The following PLCZ1 variants were observed in gnomAD, a reference collection of about 807,000 sequenced individuals.
PLCZ1 encodes phospholipase C zeta 1.
In PLCZ1, 64 loss-of-function variants were observed where a neutral mutation model predicts 76.8. That is an observed-to-expected ratio of 0.83 (90% CI 0.68 to 1.03). PLCZ1 has a LOEUF of 1.03. PLCZ1 is among the 50% of genes least tolerant of loss of function. The pLI, the probability that PLCZ1 is intolerant of heterozygous loss-of-function variation, is 0.00. For synonymous variants in PLCZ1, 248 were observed against 230.8 expected (o/e 1.07, Z -0.68); for missense variants, 751 against 713.7 (o/e 1.05, Z -0.60).
At chr12:18,731,840 T>C (rs1959065668) in intron 3 of PLCZ1, among the ~76,000 whole-genome samples, 1 of 152,172 alleles carries the variant, frequency 6.6e-6, no homozygotes, top group Non-Finnish European at 1.5e-5. Context: ...TTCCTAATTT[T>C]GTTAATGATC....
chr12:18,703,351 C>T, intron 7 of PLCZ1, among the ~76,000 whole-genome samples: 1 of 152,072 alleles, frequency 6.6e-6, no homozygotes, highest in Non-Finnish European at 1.5e-5. Context: ...AAATTTTTCA[C>T]TGATTTAAAT....
At chr12:18,662,557 A>T in the PLCZ1 span, among the ~76,000 whole-genome samples, 1 of 152,156 alleles carries the variant, frequency 6.6e-6, no homozygotes, top group Non-Finnish European at 1.5e-5. Context: ...ATACATGAAC[A>T]ATTATAAAAA....
intron 13 of PLCZ1, among the ~76,000 whole-genome samples, chr12:18,686,218 A>G (rs1953130246): frequency 6.6e-6 from 1 of 151,878 alleles, no homozygotes; most frequent in African/African-American, 2.4e-5. Context: ...TCTACTTTGT[A>G]TTTCTCATTT....
intron 9 of PLCZ1, among the ~76,000 whole-genome samples, chr12:18,700,390 CT>C (rs1955713214): frequency 1.3e-5 from 2 of 151,692 alleles, no homozygotes; most frequent in Non-Finnish European, 2.9e-5. Flanking sequence ...GAAAACATTT[CT>C]TGCTCATGCT....
chr12:18,719,825 T>G (rs1427691250), intron 4 of PLCZ1, among the ~76,000 whole-genome samples, 193 bp from the exon 5 acceptor site: 1 of 152,058 alleles, frequency 6.6e-6, no homozygotes, highest in African/African-American at 2.4e-5. Context: ...TCTTCCATAT[T>G]AACATTCAAG....
Position 18,683,216 on chromosome 12 carries a change from G to A in PLCZ1, c.*23C>T, listed in dbSNP as rs764927383. ...TGTTTTATTGCGATGCATAGCTAAT[G>A]ATATGTCATTTATCATTAGCTGTTA... On this transcript the variant is annotated 3_prime_UTR_variant, in exon 15 of 15. Transcript: ENST00000266505. The A allele has an allele frequency of 1.2e-5, 20 of 1,601,096 alleles. No homozygotes were observed. Among genetic ancestry groups the A allele is most frequent in the Non-Finnish European group, 1.6e-5 (19 of 1,168,988 alleles).
chr12:18,677,376 T>G, the PLCZ1 span, among the ~76,000 whole-genome samples: 1 of 152,086 alleles, frequency 6.6e-6, no homozygotes, highest in Non-Finnish European at 1.5e-5. Context: ...GCAAGGCTAG[T>G]TGTTTTCAGT....
the PLCZ1 span, among the ~76,000 whole-genome samples, chr12:18,664,096 A>G: frequency 6.6e-6 from 1 of 152,158 alleles, no homozygotes; most frequent in Non-Finnish European, 1.5e-5. Context: ...AAACCAGACA[A>G]ACAAACAAAG....
intron 4 of PLCZ1, among the ~76,000 whole-genome samples, chr12:18,722,682 A>G (rs899327175): frequency 6.6e-6 from 1 of 152,062 alleles, no homozygotes; most frequent in Admixed American, 6.6e-5. Context: ...GTTTTTACCC[A>G]TTGAAAGATG....
At chr12:18,650,301 C>CTA in the PLCZ1 span, among the ~76,000 whole-genome samples, 5 of 16,400 alleles carry the variant, frequency 3.0e-4, no homozygotes, top group Non-Finnish European at 5.3e-4. Flanking sequence ...ATTTCTCTCT[C>CTA]TCTCTCTCTC....
At chr12:18,723,637 T>C (rs2137548990) in intron 3 of PLCZ1, 95 bp from the exon 4 acceptor site, 2 of 970,022 alleles carry the variant, frequency 2.1e-6, no homozygotes. Flanking sequence ...TAATTTATAC[T>C]TGAAAGAAGA....
chr12:18,651,851 G>T, the PLCZ1 span, among the ~76,000 whole-genome samples: 3 of 152,204 alleles, frequency 2.0e-5, no homozygotes, highest in Non-Finnish European at 4.4e-5. Context: ...CACAGGGCAG[G>T]ATGGAGCCAG....
At chr12:18,724,031 A>C (rs887801504) in intron 3 of PLCZ1, among the ~76,000 whole-genome samples, 1 of 152,124 alleles carries the variant, frequency 6.6e-6, no homozygotes, top group Non-Finnish European at 1.5e-5. Context: ...TACAAACAAG[A>C]TGAGTTCCAA....
chr12:18,659,845 A>G, the PLCZ1 span, among the ~76,000 whole-genome samples: 1 of 152,140 alleles, frequency 6.6e-6, no homozygotes, highest in Non-Finnish European at 1.5e-5. Context: ...TCTCCCAGAT[A>G]AAAACTGAGA....
chr12:18,700,003 A>T, intron 9 of PLCZ1, 53 bp from the exon 10 acceptor site: 1 of 1,520,944 alleles, frequency 6.6e-7, no homozygotes, highest in Non-Finnish European at 9.0e-7. Context: ...TTGGGAAAAA[A>T]AATTTTTTCT....
intron 2 of PLCZ1, among the ~76,000 whole-genome samples, chr12:18,736,953 GA>G (rs771187814): frequency 6.6e-6 from 1 of 151,348 alleles, no homozygotes; most frequent in Non-Finnish European, 1.5e-5. Context: ...TATGAAAAAC[GA>G]AAAAAATTTT....
chr12:18,719,195 TA>T (rs1958286643), intron 5 of PLCZ1, among the ~76,000 whole-genome samples: 1 of 152,116 alleles, frequency 6.6e-6, no homozygotes, highest in South Asian at 2.1e-4. Context: ...GAGAGGAGGT[TA>T]ACAGGTGGGA....
Position 18,719,439 on chromosome 12 carries a change from T to C in PLCZ1, c.561A>G (p.Gly187=), listed in dbSNP as rs1415314877. The C allele has an allele frequency of 6.7e-7, 1 of 1,485,162 alleles. No individual in the cohort carries two copies. 92.0% of individuals were successfully genotyped at this position (1,485,162 alleles called of 1,614,324 possible). The change falls in exon 5 of 15, where the codon GGA becomes GGG. Residue 187 remains glycine (G), a synonymous_variant. Transcript: ENST00000266505. ...DQLLGPSDLW[G]YVSALVKGCR... ...AAAAATAAAATAAATACCTTACATATCCCCAAAGGTCACTTGGTCCCAATA... is the reference window on the plus strand; with the variant it reads ...AAAAATAAAATAAATACCTTACATACCCCCAAAGGTCACTTGGTCCCAATA...
At chr12:18,711,936 T>C (rs1303896227) in intron 6 of PLCZ1, among the ~76,000 whole-genome samples, 1 of 152,174 alleles carries the variant, frequency 6.6e-6, no homozygotes, top group East Asian at 1.9e-4. Flanking sequence ...ATGATATTTG[T>C]ATCTTTGAAA....
Sources: allele counts gnomAD v4.1 joint callset (sites outside exome capture counted in the v4.1 genomes callset), GRCh38; gene constraint gnomAD v4.1.1; transcripts MANE v1.5; gene names NCBI Gene and HGNC (gene_info 2026-07-23, HGNC 2026-07-21).